KAZN: variants seen among roughly 807,000 people sequenced by gnomAD.
KAZN encodes the protein kazrin.
KAZN carries 40 observed loss-of-function variants against 87.4 expected under a neutral mutation model. That is an observed-to-expected ratio of 0.46 (90% CI 0.36 to 0.60). The LOEUF is 0.60. Ranked by LOEUF, KAZN falls within the 20% of genes least tolerant of loss-of-function variation. The probability of loss-of-function intolerance (pLI) is 0.00; values close to 1 mark genes in which losing one functional copy is unlikely to be tolerated. For missense variants in KAZN, 898 were observed against 1,073.9 expected (o/e 0.84, Z 2.29); for synonymous variants, 466 against 458.3 (o/e 1.02, Z -0.22).
chr1:14,230,685 T>G, intron 2 of KAZN, among the ~76,000 whole-genome samples: 1 of 152,200 alleles, frequency 6.6e-6, no homozygotes, highest in East Asian at 1.9e-4. Flanking sequence ...CCTGTAAGAT[T>G]ATAACCTGCC....
chr1:14,109,814 G>T (rs201096303), intron 1 of KAZN, among the ~76,000 whole-genome samples: 2 of 79,004 alleles, frequency 2.5e-5, no homozygotes, highest in African/African-American at 5.5e-5. Context: ...TTATCAAAAC[G>T]ATTTCAGCGT....
chr1:14,570,107 C>G (rs1014446077), intron 2 of KAZN, among the ~76,000 whole-genome samples: 1 of 151,630 alleles, frequency 6.6e-6, no homozygotes, highest in East Asian at 2.0e-4. Context: ...AGCGAGACTC[C>G]GTCTCAAAAA....
At chr1:14,494,026 T>G (rs1669814531) in intron 2 of KAZN, among the ~76,000 whole-genome samples, 1 of 152,206 alleles carries the variant, frequency 6.6e-6, no homozygotes, top group Non-Finnish European at 1.5e-5. Flanking sequence ...TGGCTTTGTC[T>G]TCTAAACTTT....
rs141645024 is a variant in KAZN, at chr1:14,833,575, C to A, written c.227-127109C>A. Reference sequence around the variant, plus strand: ...AAAGTAGGGTATCCGTCCTCTACCCCCCCCAGGCCCTCATCATAAGCATAT... The same window carrying A: ...AAAGTAGGGTATCCGTCCTCTACCCACCCCAGGCCCTCATCATAAGCATAT... On this transcript the variant is annotated intron_variant, in intron 1 of 14. Coordinates refer to ENST00000376030, the MANE Select transcript of KAZN (RefSeq NM_201628.3). Among the ~76,000 whole-genome samples, 378 of 152,302 alleles carry A rather than the reference C, an allele frequency of 2.5e-3. 1 individual carries two copies. The highest frequency in any genetic ancestry group is 4.1e-3 in the East Asian group (21 of 5,170).
chr1:14,307,935 C>T (rs1655039378), intron 2 of KAZN, among the ~76,000 whole-genome samples: 1 of 152,200 alleles, frequency 6.6e-6, no homozygotes, highest in Admixed American at 6.5e-5. Context: ...GACAACAGAA[C>T]ATCTCATGTC....
intron 2 of KAZN, among the ~76,000 whole-genome samples, chr1:14,984,567 G>A (rs1330124717): frequency 6.6e-6 from 1 of 152,124 alleles, no homozygotes; most frequent in East Asian, 1.9e-4. Context: ...ATAGAAAGAA[G>A]AGCAAGAAGC....
intron 1 of KAZN, among the ~76,000 whole-genome samples, chr1:14,678,092 T>C (rs1572201760): frequency 6.6e-6 from 1 of 152,150 alleles, no homozygotes; most frequent in Middle Eastern, 3.4e-3. Flanking sequence ...TCGACTGGAT[T>C]GGACTGAAGA....
intron 2 of KAZN, among the ~76,000 whole-genome samples, chr1:14,378,755 C>T (rs778011754): frequency 1.3e-5 from 2 of 152,092 alleles, no homozygotes; most frequent in East Asian, 1.9e-4. Context: ...TTCTGGCAAG[C>T]CTTTCCACTG....
intron 2 of KAZN, among the ~76,000 whole-genome samples, chr1:14,994,729 G>A (rs76286111): frequency 2.0e-5 from 3 of 152,234 alleles, no homozygotes; most frequent in Non-Finnish European, 4.4e-5. Flanking sequence ...TGACTTTGGT[G>A]TGTAGCATTT....
intron 14 of KAZN, 200 bp downstream of exon 14, chr1:15,112,741 C>A: frequency 3.8e-6 from 2 of 528,196 alleles, no homozygotes; most frequent in South Asian, 5.0e-5. Flanking sequence ...CACAAAGCCC[C>A]CGCAGGGCTT....
intron 2 of KAZN, among the ~76,000 whole-genome samples, chr1:14,444,051 A>G (rs1666841197): frequency 6.6e-6 from 1 of 152,056 alleles, no homozygotes. Flanking sequence ...CAGAGTATAT[A>G]TTTTTTCTCA....
At chr1:14,876,310 A>G (rs1652763628) in intron 1 of KAZN, among the ~76,000 whole-genome samples, 1 of 152,242 alleles carries the variant, frequency 6.6e-6, no homozygotes. Context: ...GCGCAAATGC[A>G]GCCAGCAGCC....
intron 2 of KAZN, among the ~76,000 whole-genome samples, chr1:14,377,600 G>C (rs1280124734): frequency 6.6e-6 from 1 of 152,198 alleles, no homozygotes. Context: ...ACATAACACT[G>C]TCTACTGGTG....
In KAZN at chr1:14,454,848, C is replaced by T. The variant is rs75195813; in HGVS notation, c.250-144135C>T. Among the ~76,000 whole-genome samples the T allele has an allele frequency of 4.7e-3, 713 of 152,294 alleles. 1 individual carries two copies. The highest frequency in any genetic ancestry group is 0.016 in the African/African-American group (684 of 41,546). ...GATCTTAGCAGCTTAAAACAACAAGCATATATTTAATATTATCTCAGAGTT... is the reference window on the plus strand; with the variant it reads ...GATCTTAGCAGCTTAAAACAACAAGTATATATTTAATATTATCTCAGAGTT... On this transcript the variant is annotated intron_variant, in intron 2 of 16. Transcript: ENST00000636203.
chr1:14,557,621 T>G (rs896337227), intron 2 of KAZN, among the ~76,000 whole-genome samples: 5 of 84,840 alleles, frequency 5.9e-5, no homozygotes, highest in Non-Finnish European at 1.0e-4. Context: ...ACCAATAGGG[T>G]GTGTGTGGGT....
intron 1 of KAZN, among the ~76,000 whole-genome samples, chr1:14,075,753 A>G (rs80194261): frequency 1.6e-3 from 239 of 152,244 alleles, no homozygotes; most frequent in African/African-American, 5.6e-3. Flanking sequence ...CTTGGGCTGA[A>G]TAGTTCTTTG....
chr1:14,588,409 G>A (rs1451205546), intron 2 of KAZN, among the ~76,000 whole-genome samples: 3 of 152,124 alleles, frequency 2.0e-5, no homozygotes, highest in Admixed American at 6.5e-5. Flanking sequence ...GAATTAAAAC[G>A]CTAGCAACAA....
chr1:14,301,229 C>A (rs774063998), intron 2 of KAZN, among the ~76,000 whole-genome samples: 2 of 152,182 alleles, frequency 1.3e-5, no homozygotes, highest in Admixed American at 1.3e-4. Flanking sequence ...TTGGAATTCA[C>A]ATACCCGGTT....
chr1:14,835,278 A>C (rs1349058152), intron 1 of KAZN, among the ~76,000 whole-genome samples: 1 of 152,232 alleles, frequency 6.6e-6, no homozygotes, highest in African/African-American at 2.4e-5. Flanking sequence ...ATCTGTGACA[A>C]GCTCTAAATT....
Sources: allele counts gnomAD v4.1 joint callset (sites outside exome capture counted in the v4.1 genomes callset), GRCh38; gene constraint gnomAD v4.1.1; transcripts MANE v1.5; gene names NCBI Gene and HGNC (gene_info 2026-07-23, HGNC 2026-07-21).